The following DNAH8 variants were observed in gnomAD, a reference collection of about 807,000 sequenced individuals.
DNAH8 encodes the protein dynein axonemal heavy chain 8.
DNAH8 carries 382 observed loss-of-function variants against 562.1 expected under a neutral mutation model. The observed-to-expected ratio is 0.68, with a 90% CI of 0.63 to 0.74. DNAH8 has a LOEUF of 0.74. DNAH8 is among the 30% of genes least tolerant of loss of function. The pLI, the probability that DNAH8 is intolerant of heterozygous loss-of-function variation, is 0.00. For synonymous variants in DNAH8, 1,881 were observed against 1,919.4 expected, an observed-to-expected ratio of 0.98 and a Z score of 0.52; for missense variants, 5,203 against 5,620.4, an observed-to-expected ratio of 0.93 and a Z score of 2.37.
chr6:38,965,428 C>G (rs1762906523), intron 82 of DNAH8, among the ~76,000 whole-genome samples: 1 of 152,064 alleles, frequency 6.6e-6, no homozygotes, highest in African/African-American at 2.4e-5. Flanking sequence ...ATAAAGATCT[C>G]TAGGGAGGAA....
chr6:38,863,812 T>C, intron 44 of DNAH8, 61 bp from the exon 45 acceptor site: 2 of 1,372,932 alleles, frequency 1.5e-6, no homozygotes, highest in Non-Finnish European at 2.0e-6. Flanking sequence ...GGAGAAATGA[T>C]TGTTATCAAG....
chr6:38,868,117 C>T lies in DNAH8; in HGVS notation c.6749C>T (p.Ser2250Phe), dbSNP rs781008225. ...CTGTCTGTATTGAGGACTCTTGGAT[C>T]TCAAAAAAGAGCCAGACCAGAAGAT... ...NILSVLRTLGSQKRARPEDSE... is the reference protein window; with the variant it reads ...NILSVLRTLGFQKRARPEDSE... The change falls in exon 48 of 93, where the codon TCT becomes TTT. Residue 2250 changes from serine (S) to phenylalanine (F), a missense_variant. Around this residue, in one of 6 missense-constraint regions of DNAH8, gnomAD observed 2,176 missense variants for 2,365.1 expected, o/e 0.92. Transcript: ENST00000327475. 4 of 1,613,564 alleles carry T rather than the reference C, an allele frequency of 2.5e-6. No individual in the cohort carries two copies. The Admixed American group carries it at 6.7e-5, about 27-fold the overall frequency.
At chr6:38,986,845 G>T (rs1000729946) in intron 87 of DNAH8, among the ~76,000 whole-genome samples, 1 of 148,912 alleles carries the variant, frequency 6.7e-6, no homozygotes, top group Non-Finnish European at 1.5e-5. Flanking sequence ...TATTGGCTGG[G>T]GCTGGAAATT....
At position 38,737,088 on chromosome 6, in the gene DNAH8, G is replaced by T; in HGVS notation, c.784G>T (p.Asp262Tyr). 1 of 1,562,880 alleles carries T rather than the reference G, an allele frequency of 6.4e-7. No homozygotes were observed. Among genetic ancestry groups the T allele is most frequent in the South Asian group, 1.2e-5 (1 of 80,618 alleles). ...TCAGGAAGCGCTCTTTACTGTTCTGGATGCGTCGAAAGGACTCTTAAATGG... is the reference window on the plus strand; with the variant it reads ...TCAGGAAGCGCTCTTTACTGTTCTGTATGCGTCGAAAGGACTCTTAAATGG... ...IQEEALFTVL[D>Y]ASKGLLNGIR... Residue 262 changes from aspartate to tyrosine, a missense_variant, in exon 6 of 93, where the codon GAT (aspartate) becomes TAT (tyrosine). By Grantham distance (160) the Asp-to-Tyr change is radical. This residue lies in a region of DNAH8 where 556 missense variants were observed against 496.9 expected (regional missense o/e 1.12). Coordinates refer to ENST00000327475, the MANE Select transcript of DNAH8 (RefSeq NM_001206927.2).
intron 40 of DNAH8, 141 bp from the exon 41 acceptor site, chr6:38,853,045 T>C (rs551659678): frequency 3.3e-5 from 23 of 704,672 alleles, no homozygotes; most frequent in Non-Finnish European, 5.3e-5. Flanking sequence ...TAGGTGATTT[T>C]ACCCATATTT....
intron 88 of DNAH8, among the ~76,000 whole-genome samples, chr6:38,998,876 T>C (rs1022430630): frequency 6.6e-6 from 1 of 152,206 alleles, no homozygotes; most frequent in Non-Finnish European, 1.5e-5. Context: ...ATGAGGACTG[T>C]TCTCCTGAAA....
intron 67 of DNAH8, 119 bp downstream of exon 67, chr6:38,914,071 T>C (rs1343634276): frequency 4.2e-6 from 3 of 708,976 alleles, no homozygotes; most frequent in East Asian, 2.8e-5. Flanking sequence ...CCTGATAAGA[T>C]AGTGTTCACA....
intron 60 of DNAH8, among the ~76,000 whole-genome samples, chr6:38,898,042 T>G (rs1779817572): frequency 6.6e-6 from 1 of 152,134 alleles, no homozygotes; most frequent in Non-Finnish European, 1.5e-5. Flanking sequence ...TCAGAAATGA[T>G]TTTGCACTAG....
intron 35 of DNAH8, among the ~76,000 whole-genome samples, chr6:38,844,242 C>T (rs938023065): frequency 6.6e-6 from 1 of 152,188 alleles, no homozygotes; most frequent in Non-Finnish European, 1.5e-5. Context: ...TGTTTCAGCT[C>T]CACCAACTGG....
chr6:38,943,415 A>T lies in DNAH8; in HGVS notation c.12008-2052A>T, dbSNP rs187485701. On this transcript the variant is annotated intron_variant, in intron 79 of 92. Coordinates refer to ENST00000327475, the MANE Select transcript of DNAH8 (RefSeq NM_001206927.2). ...CTTTTAAAAAATCATTTTGAACTCAATACTTAAGGGGGAGAGTGGAAGAGT... is the reference window on the plus strand; with the variant it reads ...CTTTTAAAAAATCATTTTGAACTCATTACTTAAGGGGGAGAGTGGAAGAGT... Among the ~76,000 whole-genome samples, 211 of 152,318 alleles carry T rather than the reference A, an allele frequency of 1.4e-3. No individual in the cohort carries two copies. In the Middle Eastern group the frequency reaches 0.024, roughly 17 times the overall value.
chr6:38,886,780 T>G lies in DNAH8; in HGVS notation c.8260-11T>G. ...GATATGTTACAAAAATATTGCTGTG[T>G]GAAATTTCAGATAACTAATGAGATT... On this transcript the variant is annotated splice_polypyrimidine_tract_variant and intron_variant, in intron 56 of 92. Transcript: ENST00000327475. 6.2e-7 allele frequency: 1 copy of G among 1,609,180 alleles called. No individual in the cohort carries two copies. The highest frequency in any genetic ancestry group is 8.5e-7 in the Non-Finnish European group (1 of 1,175,734).
chr6:38,990,251 C>T, intron 88 of DNAH8, 79 bp downstream of exon 88: 1 of 916,674 alleles, frequency 1.1e-6, no homozygotes, highest in Non-Finnish European at 1.7e-6. Flanking sequence ...CATTTTCTCT[C>T]CTAATCTCTC....
chr6:38,890,653 A>T lies in DNAH8; in HGVS notation c.8475A>T (p.Gly2825=), dbSNP rs181734263. The change falls in exon 58 of 93, where the codon GGA becomes GGT. Residue 2825 remains glycine (G), a splice_region_variant and synonymous_variant. Coordinates refer to ENST00000327475, the MANE Select transcript of DNAH8 (RefSeq NM_001206927.2). ...CCTTCAATCTTGCTTATCTTTCAGG[A>T]ATTATTGGATGTGGATACTTTGATC... The part of the protein sequence containing the change: ...PSNASIDKIF[G]IIGCGYFDPC... 65 of 1,602,724 alleles carry T rather than the reference A, an allele frequency of 4.1e-5. 1 individual carries two copies. The East Asian group carries it at 1.2e-3, about 29-fold the overall frequency.
At chr6:38,808,146 C>T (rs1738227) in intron 24 of DNAH8, among the ~76,000 whole-genome samples, 45,691 of 152,060 alleles carry the variant, frequency 0.3, 7,153 homozygotes, top group East Asian at 0.42. Context: ...TTGGAGTATA[C>T]GTAGTCTGTT....
At chr6:38,911,913 G>A (rs1033171901) in intron 66 of DNAH8, among the ~76,000 whole-genome samples, 5 of 151,954 alleles carry the variant, frequency 3.3e-5, no homozygotes, top group African/African-American at 1.2e-4. Context: ...TCAGTTTTTG[G>A]TTTCATTTTG....
intron 87 of DNAH8, chr6:38,984,522 G>T: frequency 1.9e-6 from 1 of 540,380 alleles, no homozygotes; most frequent in Non-Finnish European, 3.3e-6. Context: ...GCCAGGCATG[G>T]TGGCTCACGC....
chr6:38,743,004 GTGC>G (rs1373032754), intron 8 of DNAH8, among the ~76,000 whole-genome samples: 6 of 86,334 alleles, frequency 6.9e-5, no homozygotes, highest in Non-Finnish European at 9.1e-5. Flanking sequence ...TGTTGTTGTT[GTGC>G]TTTTTTTTTT....
Position 38,853,125 on chromosome 6 carries a change from G to A in DNAH8, c.5572-61G>A. 8 of 1,304,548 alleles carry A rather than the reference G, an allele frequency of 6.1e-6. 1 individual carries two copies. In the South Asian group the frequency reaches 1.1e-4, roughly 18 times the overall value. The allele number at this position is 1,304,548 out of a possible 1,614,324, so 80.8% of individuals were successfully genotyped here. ...CACTATGATTTATTAAGTGTGCATG[G>A]AACGTCTGTAAAAATGCCAAATTAT... On this transcript the variant is annotated intron_variant, in intron 40 of 92. Transcript: ENST00000327475.
In DNAH8 at chr6:38,828,377, C is replaced by G. The variant is rs558668993; in HGVS notation, c.4188+89C>G. On this transcript the variant is annotated intron_variant, in intron 30 of 92. Coordinates refer to ENST00000327475, the MANE Select transcript of DNAH8 (RefSeq NM_001206927.2). ...TTATACCTTTTTAAAGCTTAATATA[C>G]AGTCATGTGCCACATAACAATGTTT... The G allele has an allele frequency of 5.2e-5, 34 of 652,560 alleles. No individual in the cohort carries two copies. The Admixed American group carries it at 1.1e-3, about 21-fold the overall frequency. 40.4% of individuals were successfully genotyped at this position (652,560 alleles called of 1,614,324 possible).
Sources: gnomAD v4.1 joint callset for allele counts (sites outside exome capture counted in the v4.1 genomes callset) on GRCh38, gnomAD v4.1.1 for gene constraint, gnomAD v4.1.1 regional missense constraint, MANE v1.5 for transcripts, NCBI Gene and HGNC (gene_info 2026-07-23, HGNC 2026-07-21) for gene names.